The following TMEM200A variants were observed in gnomAD, a reference collection of about 807,000 sequenced individuals.
The protein encoded by TMEM200A is transmembrane protein 200A.
In TMEM200A, 12 loss-of-function variants were observed where a neutral mutation model predicts 24.3. That is an observed-to-expected ratio of 0.49 (90% confidence interval 0.32 to 0.80). The LOEUF (loss-of-function observed/expected upper bound fraction) is 0.80. Ranked by LOEUF, TMEM200A falls within the 30% of genes least tolerant of loss-of-function variation. The pLI, the probability that TMEM200A is intolerant of heterozygous loss-of-function variation, is 0.04. For missense variants in TMEM200A, 545 were observed against 614.4 expected, an observed-to-expected ratio of 0.89 and a Z score of 1.19; for synonymous variants, 224 against 224.4, an observed-to-expected ratio of 1.00 and a Z score of 0.02.
At chr6:130,423,505 A>G (rs1779653138) in intron 2 of TMEM200A, among the ~76,000 whole-genome samples, 1 of 152,172 alleles carries the variant, frequency 6.6e-6, no homozygotes, top group Non-Finnish European at 1.5e-5. Context: ...GAAAAAAAGT[A>G]CATGTTGCCG....
At chr6:130,400,252 T>C (rs1431865490) in intron 2 of TMEM200A, among the ~76,000 whole-genome samples, 2 of 152,068 alleles carry the variant, frequency 1.3e-5, no homozygotes, top group Non-Finnish European at 2.9e-5. Flanking sequence ...TCTTTTCCTC[T>C]GGGTAGATAC....
intron 1 of TMEM200A, among the ~76,000 whole-genome samples, chr6:130,372,112 G>T (rs2115067675): frequency 6.6e-6 from 1 of 152,324 alleles, no homozygotes; most frequent in East Asian, 1.9e-4. Flanking sequence ...GAAAGAGCTG[G>T]CATGGAACCC....
In TMEM200A at chr6:130,428,979, C is replaced by G. The variant is rs150524444; in HGVS notation, c.-16-11428C>G. On this transcript the variant is annotated intron_variant, in intron 2 of 2. Coordinates refer to ENST00000296978, the MANE Select transcript of TMEM200A (RefSeq NM_001258277.2). ...ATTGTATACCAATATACAATAGAAA[C>G]TCAATGACAGAATACCCAGGAAATA... 1.8e-4 allele frequency among the ~76,000 whole-genome samples: 28 copies of G among 151,916 alleles called. No individual in the cohort carries two copies. The East Asian group carries it at 4.8e-3, about 26-fold the overall frequency.
At chr6:130,382,263 C>T (rs1778617220) in intron 1 of TMEM200A, among the ~76,000 whole-genome samples, 2 of 152,178 alleles carry the variant, frequency 1.3e-5, no homozygotes, top group South Asian at 2.1e-4. Flanking sequence ...CAGTGTGTGG[C>T]ACAAAGTGGA....
intron 2 of TMEM200A, among the ~76,000 whole-genome samples, chr6:130,414,606 T>G (rs1403565660): frequency 6.6e-6 from 1 of 152,186 alleles, no homozygotes; most frequent in African/African-American, 2.4e-5. Context: ...TGCTTGTAAA[T>G]ACTGTAATAA....
intron 1 of TMEM200A, among the ~76,000 whole-genome samples, chr6:130,376,100 C>T (rs1778450211): frequency 6.6e-6 from 1 of 151,880 alleles, no homozygotes; most frequent in Admixed American, 6.6e-5. Flanking sequence ...AACTTGTATT[C>T]TTTAACTGAG....
At chr6:130,402,174 G>T (rs1021588849) in intron 2 of TMEM200A, among the ~76,000 whole-genome samples, 11 of 151,654 alleles carry the variant, frequency 7.3e-5, no homozygotes, top group South Asian at 2.1e-4. Flanking sequence ...ATCACAATTT[G>T]CCATAAGAAT....
chr6:130,388,886 A>G (rs1202789309), intron 2 of TMEM200A, among the ~76,000 whole-genome samples: 3 of 152,234 alleles, frequency 2.0e-5, no homozygotes, highest in Admixed American at 6.5e-5. Flanking sequence ...AAGTAGCAAT[A>G]ATTTTAACAC....
At chr6:130,438,472 T>C (rs1442009478) in intron 2 of TMEM200A, 1 of 152,244 alleles carries the variant, frequency 6.6e-6, no homozygotes, top group Non-Finnish European at 1.5e-5. Context: ...TATCTTCTTG[T>C]TTCCTACCAG....
chr6:130,400,777 G>A (rs1218365079), intron 2 of TMEM200A, among the ~76,000 whole-genome samples: 1 of 151,982 alleles, frequency 6.6e-6, no homozygotes, highest in Non-Finnish European at 1.5e-5. Flanking sequence ...CTGAGCCAGT[G>A]ACTGAAGTTT....
At chr6:130,374,952 T>C (rs1175263458) in intron 1 of TMEM200A, among the ~76,000 whole-genome samples, 1 of 152,216 alleles carries the variant, frequency 6.6e-6, no homozygotes, top group African/African-American at 2.4e-5. Flanking sequence ...CTAAAAACAC[T>C]TACTGAGAGT....
intron 2 of TMEM200A, among the ~76,000 whole-genome samples, chr6:130,428,397 C>G (rs1290713277): frequency 6.6e-6 from 1 of 152,096 alleles, no homozygotes; most frequent in East Asian, 1.9e-4. Context: ...ATACTTTATC[C>G]TCCACCTTTT....
intron 2 of TMEM200A, among the ~76,000 whole-genome samples, chr6:130,429,199 G>A (rs1779817393): frequency 6.6e-6 from 1 of 152,140 alleles, no homozygotes; most frequent in Non-Finnish European, 1.5e-5. Flanking sequence ...CATAAAATGT[G>A]TAAGAACAGA....
At position 130,441,892 on chromosome 6, in the gene TMEM200A, G is replaced by A; in HGVS notation, c.1470G>A (p.Arg490=). 6.3e-7 allele frequency: 1 copy of A among 1,594,418 alleles called. No homozygotes were observed. The highest frequency in any genetic ancestry group is 8.5e-7 in the Non-Finnish European group (1 of 1,173,024). Reference sequence around the variant, plus strand: ...TAAAGAGGGGAACTTCTGAAACAAGGTTTTAATGTTAAAAGAATATATCAT... The same window carrying A: ...TAAAGAGGGGAACTTCTGAAACAAGATTTTAATGTTAAAAGAATATATCAT... ...NNLKRGTSET[R]F is the part of the protein sequence containing the mutation. Residue 490 remains arginine, a synonymous_variant, in exon 3 of 3, where the codon AGG becomes AGA. Transcript: ENST00000296978.
At position 130,440,511 on chromosome 6, in the gene TMEM200A, C is replaced by A; in HGVS notation, c.89C>A (p.Pro30Gln). Residue 30 changes from proline (P) to glutamine (Q), a missense_variant, in exon 3 of 3, where the codon CCG becomes CAG. Physicochemically the swap from Pro to Gln is moderately conservative, Grantham distance 76. Coordinates refer to ENST00000296978, the MANE Select transcript of TMEM200A (RefSeq NM_001258277.2). Reference sequence around the variant, plus strand: ...TCACAGCAGCATGTCAACCTCAGCCCGTCTCCTGCTACCCAAGAGAAGAAG... The same window carrying A: ...TCACAGCAGCATGTCAACCTCAGCCAGTCTCCTGCTACCCAAGAGAAGAAG... ...ARSQQHVNLS[P>Q]SPATQEKKPI... 1 of 1,614,054 alleles carries A rather than the reference C, an allele frequency of 6.2e-7. No homozygotes were observed. Among genetic ancestry groups the A allele is most frequent in the Non-Finnish European group, 8.5e-7 (1 of 1,179,940 alleles).
At chr6:130,368,601 A>G (rs1778238812) in intron 1 of TMEM200A, among the ~76,000 whole-genome samples, 1 of 152,162 alleles carries the variant, frequency 6.6e-6, no homozygotes, top group South Asian at 2.1e-4. Flanking sequence ...CTGAGATCTG[A>G]TATGTGCTCA....
intron 2 of TMEM200A, among the ~76,000 whole-genome samples, chr6:130,430,694 T>C (rs971357863): frequency 2.0e-5 from 3 of 152,176 alleles, no homozygotes; most frequent in Admixed American, 1.3e-4. Context: ...GATCATTCTT[T>C]CTGTGAGTGG....
chr6:130,390,245 G>A (rs559481832), intron 2 of TMEM200A, among the ~76,000 whole-genome samples: 2 of 152,314 alleles, frequency 1.3e-5, no homozygotes, highest in South Asian at 4.1e-4. Flanking sequence ...TTGAATGTTG[G>A]AGAAATAAGA....
At chr6:130,377,346 T>C (rs186519577) in intron 1 of TMEM200A, among the ~76,000 whole-genome samples, 2 of 152,320 alleles carry the variant, frequency 1.3e-5, no homozygotes, top group East Asian at 3.9e-4. Flanking sequence ...ATGCCATCCA[T>C]CTCCAGGTAA....
Sources: gnomAD v4.1 joint callset for allele counts (sites outside exome capture counted in the v4.1 genomes callset) on GRCh38, gnomAD v4.1.1 for gene constraint, MANE v1.5 for transcripts, NCBI Gene and HGNC (gene_info 2026-07-23, HGNC 2026-07-21) for gene names.